The following GLCE variants were observed in gnomAD, a reference collection of about 807,000 sequenced individuals.
The protein encoded by GLCE is D-glucuronyl C5-epimerase.
Under a neutral mutation model 47.9 loss-of-function variants are expected in GLCE, and 19 were observed. That is an observed-to-expected ratio of 0.40 (90% CI 0.28 to 0.58). The LOEUF is 0.58. Among genes scored for constraint, GLCE ranks in the 20% least tolerant of loss-of-function variants. GLCE has a pLI of 0.48. For missense variants in GLCE, 556 were observed against 743.3 expected (o/e 0.75, Z 2.93); for synonymous variants, 245 against 263.4 (o/e 0.93, Z 0.68).
chr15:69,247,584 A>AG (rs1206551612), intron 2 of GLCE, among the ~76,000 whole-genome samples: 1 of 152,196 alleles, frequency 6.6e-6, no homozygotes, highest in Non-Finnish European at 1.5e-5. Context: ...TTGGCACAAG[A>AG]GGTCTAGCTT....
At chr15:69,215,048 C>A (rs975814107) in intron 2 of GLCE, among the ~76,000 whole-genome samples, 9 of 152,158 alleles carry the variant, frequency 5.9e-5, no homozygotes, top group African/African-American at 1.9e-4. Context: ...AGTTCACATT[C>A]CATCTTGGGT....
intron 1 of GLCE, among the ~76,000 whole-genome samples, chr15:69,198,508 A>G (rs1436919443): frequency 6.6e-6 from 1 of 152,144 alleles, no homozygotes; most frequent in African/African-American, 2.4e-5. Flanking sequence ...CTCATAAGGC[A>G]GGATTCATTT....
At chr15:69,233,189 T>C (rs1348378867) in intron 2 of GLCE, among the ~76,000 whole-genome samples, 1 of 152,172 alleles carries the variant, frequency 6.6e-6, no homozygotes, top group Non-Finnish European at 1.5e-5. Flanking sequence ...GCTGGACATA[T>C]TTAACTTTTG....
intron 2 of GLCE, among the ~76,000 whole-genome samples, chr15:69,230,650 TG>T (rs1471207445): frequency 3.3e-5 from 5 of 152,222 alleles, no homozygotes; most frequent in Admixed American, 6.5e-5. Flanking sequence ...ATCAAAGTAG[TG>T]TTAAAGTGCA....
intron 1 of GLCE, among the ~76,000 whole-genome samples, chr15:69,173,327 A>G (rs2051614680): frequency 6.6e-6 from 1 of 152,186 alleles, no homozygotes; most frequent in Admixed American, 6.5e-5. Context: ...TGGAAGAAAG[A>G]AGAGTTGGGG....
Position 69,268,278 on chromosome 15 carries a change from T to C in GLCE, c.888T>C (p.Phe296=). Residue 296 remains phenylalanine, a synonymous_variant, in exon 5 of 5, where the codon TTT becomes TTC. Coordinates refer to ENST00000261858, the MANE Select transcript of GLCE (RefSeq NM_015554.3). ...ACACAAAAGATTTTATTATTTCATT[T>C]GACCTCAAGTTCTTGACAAATGGAA... ...LGNTKDFIIS[F]DLKFLTNGSV... 6.2e-7 allele frequency: 1 copy of C among 1,611,892 alleles called. No homozygotes were observed. The highest frequency in any genetic ancestry group is 8.5e-7 in the Non-Finnish European group (1 of 1,178,972).
chr15:69,161,754 C>G (rs775892545), intron 1 of GLCE, among the ~76,000 whole-genome samples: 2 of 152,152 alleles, frequency 1.3e-5, no homozygotes, highest in Non-Finnish European at 2.9e-5. Flanking sequence ...GCCCCGGGAT[C>G]CCTGTGGGGG....
At chr15:69,185,481 A>G (rs2051809127) in intron 1 of GLCE, among the ~76,000 whole-genome samples, 1 of 152,110 alleles carries the variant, frequency 6.6e-6, no homozygotes, top group South Asian at 2.1e-4. Context: ...TAAGTTTCTA[A>G]TTAATTCTAG....
At chr15:69,223,279 A>AATAT (rs2052401820) in intron 2 of GLCE, among the ~76,000 whole-genome samples, 1 of 152,154 alleles carries the variant, frequency 6.6e-6, no homozygotes, top group Non-Finnish European at 1.5e-5. Flanking sequence ...TTTATCTAGG[A>AATAT]ATATCTTAAT....
At chr15:69,218,011 G>A (rs757441506) in intron 2 of GLCE, among the ~76,000 whole-genome samples, 3 of 151,846 alleles carry the variant, frequency 2.0e-5, no homozygotes, top group South Asian at 2.1e-4. Flanking sequence ...GAAATTAGCC[G>A]GGCGTGGTGG....
At chr15:69,217,463 GAAGA>G (rs1274812243) in intron 2 of GLCE, among the ~76,000 whole-genome samples, 1 of 151,624 alleles carries the variant, frequency 6.6e-6, no homozygotes, top group East Asian at 1.9e-4. Context: ...GGAAAAAAAA[GAAGA>G]AAGAATGTGG....
chr15:69,191,314 T>C (rs2140352733), intron 1 of GLCE, among the ~76,000 whole-genome samples: 1 of 152,290 alleles, frequency 6.6e-6, no homozygotes, highest in East Asian at 1.9e-4. Context: ...TTTTACTGGG[T>C]ACCAAATTGT....
At chr15:69,167,930 G>C (rs2051529759) in intron 1 of GLCE, among the ~76,000 whole-genome samples, 1 of 150,872 alleles carries the variant, frequency 6.6e-6, no homozygotes, top group Admixed American at 6.6e-5. Flanking sequence ...TGTTCTTTCA[G>C]ATATCCAAAT....
intron 2 of GLCE, among the ~76,000 whole-genome samples, chr15:69,239,638 C>T (rs1349760070): frequency 2.0e-5 from 3 of 152,156 alleles, no homozygotes; most frequent in African/African-American, 7.2e-5. Flanking sequence ...GAAGTGTTCA[C>T]ATACCTGAAA....
chr15:69,199,117 C>T (rs1161716069), intron 1 of GLCE, among the ~76,000 whole-genome samples: 7 of 152,126 alleles, frequency 4.6e-5, no homozygotes, highest in African/African-American at 1.7e-4. Context: ...TACAGAATAA[C>T]TTGATACTCA....
chr15:69,216,937 T>C (rs1349677333), intron 2 of GLCE, among the ~76,000 whole-genome samples: 1 of 152,136 alleles, frequency 6.6e-6, no homozygotes, highest in Non-Finnish European at 1.5e-5. Context: ...TATTTACATA[T>C]TCAGATTCTG....
At chr15:69,235,485 G>T (rs1378798986) in intron 2 of GLCE, among the ~76,000 whole-genome samples, 3 of 152,026 alleles carry the variant, frequency 2.0e-5, no homozygotes, top group Non-Finnish European at 4.4e-5. Flanking sequence ...TATTATGAGT[G>T]CCTACTGTGT....
chr15:69,209,538 T>G (rs1037372787), intron 1 of GLCE, among the ~76,000 whole-genome samples: 1 of 152,088 alleles, frequency 6.6e-6, no homozygotes, highest in African/African-American at 2.4e-5. Context: ...CCATTGCCAG[T>G]CTGGAACTTG....
In GLCE at chr15:69,268,931, A is replaced by G; in HGVS notation, c.1541A>G (p.Tyr514Cys). ...PSSFVLNGFM[Y>C]SLIGLYDLKE... ...TCTTTTGTTTTAAATGGCTTTATGTATTCTTTAATTGGGCTGTATGACTTA... is the reference window on the plus strand; with the variant it reads ...TCTTTTGTTTTAAATGGCTTTATGTGTTCTTTAATTGGGCTGTATGACTTA... Residue 514 changes from tyrosine to cysteine, a missense_variant, in exon 5 of 5, where the codon TAT becomes TGT. Physicochemically the swap from Tyr to Cys is radical, Grantham distance 194. Coordinates refer to ENST00000261858, the MANE Select transcript of GLCE (RefSeq NM_015554.3). The G allele has an allele frequency of 1.2e-5, 19 of 1,614,124 alleles. No individual in the cohort carries two copies. Among genetic ancestry groups the G allele is most frequent in the Non-Finnish European group, 1.6e-5 (19 of 1,179,960 alleles).
Sources: gnomAD v4.1 joint callset for allele counts (sites outside exome capture counted in the v4.1 genomes callset) on GRCh38, gnomAD v4.1.1 for gene constraint, MANE v1.5 for transcripts, NCBI Gene and HGNC (gene_info 2026-07-23, HGNC 2026-07-21) for gene names.